The following HIP1 variants were observed in gnomAD, a reference collection of about 807,000 sequenced individuals.
The protein encoded by HIP1 is huntingtin interacting protein 1.
A neutral mutation model predicts 147.6 loss-of-function variants in HIP1; 65 were observed. The observed-to-expected ratio is 0.44, with a 90% CI of 0.36 to 0.54. The LOEUF (loss-of-function observed/expected upper bound fraction) is 0.54, where lower values mean the gene tolerates loss of function less well. Among genes scored for constraint, HIP1 ranks in the 20% least tolerant of loss-of-function variants. HIP1 has a pLI of 0.00. For synonymous variants in HIP1, 479 were observed against 504.0 expected, an observed-to-expected ratio of 0.95 and a Z score of 0.67; for missense variants, 1,061 against 1,299.6, an observed-to-expected ratio of 0.82 and a Z score of 2.82.
chr7:75,728,531 G>A (rs561377927), intron 1 of HIP1, among the ~76,000 whole-genome samples: 48 of 152,280 alleles, frequency 3.2e-4, no homozygotes, highest in East Asian at 9.7e-4. Context: ...GCCACACCTC[G>A]CCTTGAGGCA....
At chr7:75,571,180 G>A (rs781949421) in intron 8 of HIP1, among the ~76,000 whole-genome samples, 3 of 151,914 alleles carry the variant, frequency 2.0e-5, no homozygotes, top group Non-Finnish European at 2.9e-5. Context: ...AACTCCCTCA[G>A]CCTCCAGAGT....
intron 27 of HIP1, among the ~76,000 whole-genome samples, chr7:75,544,336 C>T (rs1261111484): frequency 1.3e-5 from 2 of 152,168 alleles, no homozygotes; most frequent in Non-Finnish European, 2.9e-5. Flanking sequence ...CAAGTACTCT[C>T]TAACTCCTAA....
intron 1 of HIP1, among the ~76,000 whole-genome samples, chr7:75,670,659 G>A (rs1799704541): frequency 6.6e-6 from 1 of 151,900 alleles, no homozygotes; most frequent in South Asian, 2.1e-4. Context: ...AGTCAGACTG[G>A]ATGGAGTGCT....
intron 1 of HIP1, among the ~76,000 whole-genome samples, chr7:75,673,023 C>CTTT (rs35559075): frequency 4.2e-5 from 6 of 143,810 alleles, no homozygotes; most frequent in Non-Finnish European, 3.0e-5. Context: ...AGTCCACCAA[C>CTTT]TTTTTTTTTT....
intron 1 of HIP1, chr7:75,625,593 T>G (rs1015973289): frequency 1.3e-5 from 2 of 152,070 alleles, no homozygotes; most frequent in Non-Finnish European, 2.9e-5. Context: ...AGGCCCAGAG[T>G]TGGGGACTGG....
intron 1 of HIP1, among the ~76,000 whole-genome samples, chr7:75,628,623 C>A (rs781943735): frequency 2.0e-5 from 3 of 152,118 alleles, no homozygotes; most frequent in Non-Finnish European, 4.4e-5. Context: ...GGATTACAGG[C>A]ACGTGCTGCC....
At chr7:75,663,696 G>C (rs1256102584) in intron 1 of HIP1, among the ~76,000 whole-genome samples, 2 of 151,386 alleles carry the variant, frequency 1.3e-5, no homozygotes, top group African/African-American at 2.4e-5. Flanking sequence ...AAATAGGAAA[G>C]AGATGAGAGA....
chr7:75,663,584 T>C (rs1554513946), intron 1 of HIP1, among the ~76,000 whole-genome samples: 1 of 151,746 alleles, frequency 6.6e-6, no homozygotes, highest in Non-Finnish European at 1.5e-5. Flanking sequence ...CTGACCTCTG[T>C]GCAGGGACAG....
chr7:75,679,820 G>A (rs1316131398), intron 1 of HIP1, among the ~76,000 whole-genome samples: 2 of 151,952 alleles, frequency 1.3e-5, no homozygotes, highest in Non-Finnish European at 2.9e-5. Flanking sequence ...CCAACCTAAC[G>A]TCCATCTCTC....
At chr7:75,726,578 C>A (rs1215772131) in intron 1 of HIP1, among the ~76,000 whole-genome samples, 1 of 152,202 alleles carries the variant, frequency 6.6e-6, no homozygotes. Context: ...GCCACCATGC[C>A]TGGCCGGGCA....
At chr7:75,664,057 CACATATATGT>C (rs1799439641) in intron 1 of HIP1, among the ~76,000 whole-genome samples, 1 of 64,854 alleles carries the variant, frequency 1.5e-5, no homozygotes, top group East Asian at 4.6e-4. Context: ...TGTGTATATA[CACATATATGT>C]GTATATACAC....
At chr7:75,555,968 G>GC in intron 18 of HIP1, 58 bp downstream of exon 18, 1 of 1,593,982 alleles carries the variant, frequency 6.3e-7, no homozygotes, top group Non-Finnish European at 8.6e-7. Flanking sequence ...CCGTGCATGC[G>GC]CAGAGGCCCT....
intron 1 of HIP1, among the ~76,000 whole-genome samples, chr7:75,681,995 CTATT>C (rs1336106013): frequency 6.9e-6 from 1 of 144,208 alleles, no homozygotes; most frequent in Non-Finnish European, 1.5e-5. Flanking sequence ...GGTATGAAAG[CTATT>C]TATCTAAGGC....
intron 1 of HIP1, among the ~76,000 whole-genome samples, chr7:75,701,716 G>T (rs1474503039): frequency 1.3e-5 from 2 of 151,914 alleles, no homozygotes; most frequent in African/African-American, 4.8e-5. Context: ...AGCTTGGCCT[G>T]GTGGTGCACA....
chr7:75,549,859 A>G (rs1216491683), intron 22 of HIP1, among the ~76,000 whole-genome samples: 19 of 140,546 alleles, frequency 1.4e-4, no homozygotes, highest in Admixed American at 1.2e-3. Context: ...TTTTTTTAAT[A>G]GAGATGGGGT....
chr7:75,613,920 T>TGCTATGTTGCCTAGGCGGGGTC (rs1563245855), intron 1 of HIP1, among the ~76,000 whole-genome samples: 1 of 150,300 alleles, frequency 6.7e-6, no homozygotes, highest in African/African-American at 2.5e-5. Flanking sequence ...GAGATGGGGT[T>TGCTATGTTGCCTAGGCGGGGTC]TGCTATGTTG....
At chr7:75,549,993 ATCTTCCACTTTGACCC>A (rs1476662044) in intron 22 of HIP1, among the ~76,000 whole-genome samples, 3 of 152,050 alleles carry the variant, frequency 2.0e-5, no homozygotes, top group Non-Finnish European at 4.4e-5. Context: ...TACAGATGAT[ATCTTCCACTTTGACCC>A]TGACTTAACT....
At chr7:75,555,202 G>GA (rs1794950363) in intron 19 of HIP1, among the ~76,000 whole-genome samples, 2 of 111,482 alleles carry the variant, frequency 1.8e-5, no homozygotes, top group African/African-American at 6.8e-5. Context: ...GGGCGGGGGG[G>GA]GGGAAGAAAA....
chr7:75,577,684 A>C (rs1795894839), intron 7 of HIP1, among the ~76,000 whole-genome samples: 1 of 152,192 alleles, frequency 6.6e-6, no homozygotes, highest in Admixed American at 6.6e-5. Flanking sequence ...TCGTGGTAAC[A>C]ATATTAATGA....
Sources: allele counts gnomAD v4.1 joint callset (sites outside exome capture counted in the v4.1 genomes callset), GRCh38; gene constraint gnomAD v4.1.1; transcripts MANE v1.5; gene names NCBI Gene and HGNC (gene_info 2026-07-23, HGNC 2026-07-21).